The following TAF8 variants were observed in gnomAD, a reference collection of about 807,000 sequenced individuals.
TAF8 encodes TATA-box binding protein associated factor 8, also known as transcription initiation factor TFIID subunit 8.
Under a neutral mutation model 36.5 loss-of-function variants are expected in TAF8, and 47 were observed. The observed-to-expected ratio is 1.29, with a 90% CI of 1.02 to 1.64. The LOEUF is 1.64. Among genes scored for constraint, TAF8 ranks in the 40% most tolerant of loss-of-function variants. The pLI, the probability that TAF8 is intolerant of heterozygous loss-of-function variation, is 0.00. For missense variants in TAF8, 420 were observed against 407.6 expected (o/e 1.03, Z -0.26); for synonymous variants, 175 against 159.5 (o/e 1.10, Z -0.73).
At position 42,054,975 on chromosome 6, in the gene TAF8, G is replaced by C. The variant is rs1213803585; in HGVS notation, c.203-556G>C. 2.0e-5 allele frequency among the ~76,000 whole-genome samples: 3 copies of C among 149,688 alleles called. No individual in the cohort carries two copies. In the East Asian group the frequency reaches 5.9e-4, roughly 30 times the overall value. On this transcript the variant is annotated intron_variant, in intron 2 of 8. Transcript: ENST00000372977. Reference sequence around the variant, plus strand: ...AAGGAGTTCTCACTCTGTCGCCCAGGCTGGAGTGCAATGGCACAATCTCTG... The same window carrying C: ...AAGGAGTTCTCACTCTGTCGCCCAGCCTGGAGTGCAATGGCACAATCTCTG...
intron 5 of TAF8, among the ~76,000 whole-genome samples, chr6:42,065,702 C>T (rs2492943): frequency 0.41 from 63,036 of 151,958 alleles, 13,446 homozygotes; most frequent in African/African-American, 0.52. Context: ...CTTCACGATG[C>T]GTCTCTTAGA....
chr6:42,071,680 G>A (rs548979335), intron 7 of TAF8, among the ~76,000 whole-genome samples: 2 of 151,954 alleles, frequency 1.3e-5, no homozygotes, highest in South Asian at 4.2e-4. Flanking sequence ...ATTAGGGCTG[G>A]GAGACCATGG....
chr6:42,052,654 A>G (rs1764836765), intron 2 of TAF8, among the ~76,000 whole-genome samples: 1 of 152,128 alleles, frequency 6.6e-6, no homozygotes, highest in Admixed American at 6.5e-5. Flanking sequence ...ATGTGTTGAG[A>G]TTTAGAAGCC....
intron 8 of TAF8, 114 bp downstream of exon 8, chr6:42,077,353 G>C: frequency 6.7e-7 from 1 of 1,501,384 alleles, no homozygotes; most frequent in Admixed American, 2.2e-5. Flanking sequence ...CCACTCTGGT[G>C]AGAGGGAATA....
rs887742449 is a variant in TAF8 at position 42,079,650 on chromosome 6, C to G, written c.*2105C>G. On this transcript the variant is annotated 3_prime_UTR_variant, in exon 9 of 9. Transcript: ENST00000372977. Reference sequence around the variant, plus strand: ...CTACCTCGGCTCACTGCAACCTCCACTCCCCGGGTTCAAGCAATTCTCAGA... The same window carrying G: ...CTACCTCGGCTCACTGCAACCTCCAGTCCCCGGGTTCAAGCAATTCTCAGA... 1 of 839,736 alleles carries G rather than the reference C, an allele frequency of 1.2e-6. No individual in the cohort carries two copies. The highest frequency in any genetic ancestry group is 1.8e-5 in the African/African-American group (1 of 54,176). 52.0% of individuals were successfully genotyped at this position (839,736 alleles called of 1,614,324 possible).
At chr6:42,068,390 G>A (rs751197159) in intron 6 of TAF8, 75 bp from the exon 7 acceptor site, 19 of 1,549,306 alleles carry the variant, frequency 1.2e-5, no homozygotes, top group Admixed American at 5.1e-5. Flanking sequence ...CTGATTTGTT[G>A]TGAGGCTCTA....
At chr6:42,054,931 C>CTT (rs376052836) in intron 2 of TAF8, among the ~76,000 whole-genome samples, 14 of 123,790 alleles carry the variant, frequency 1.1e-4, no homozygotes, top group African/African-American at 1.2e-4. Flanking sequence ...TTTTTCTTTT[C>CTT]TTTTTTTTTT....
At chr6:42,085,209 G>A (rs1368043519), downstream of TAF8, among the ~76,000 whole-genome samples, 1 of 152,194 alleles carries the variant, frequency 6.6e-6, no homozygotes, top group Non-Finnish European at 1.5e-5. Flanking sequence ...CTCCTGATAT[G>A]TAAAGAACTT....
At chr6:42,057,728 T>A (rs1427938003) in intron 5 of TAF8, 1 of 556,732 alleles carries the variant, frequency 1.8e-6, no homozygotes, top group East Asian at 3.2e-5. Context: ...AAGACCAGCC[T>A]GGGCAGCAGA....
At chr6:42,072,808 C>T (rs535679094) in intron 7 of TAF8, among the ~76,000 whole-genome samples, 9 of 152,022 alleles carry the variant, frequency 5.9e-5, no homozygotes, top group African/African-American at 1.4e-4. Context: ...CTGCAAGCTC[C>T]GCCTCCCGGG....
chr6:42,068,725 G>A, intron 7 of TAF8, 118 bp downstream of exon 7: 1 of 1,259,692 alleles, frequency 7.9e-7, no homozygotes, highest in Non-Finnish European at 1.1e-6. Flanking sequence ...TTTCTGTTAG[G>A]GGCCTGCATA....
chr6:42,074,646 TGCCTCA>T (rs1441893547), intron 7 of TAF8, among the ~76,000 whole-genome samples: 1 of 152,136 alleles, frequency 6.6e-6, no homozygotes, highest in Admixed American at 6.6e-5. Context: ...GCGACTGTCT[TGCCTCA>T]GCCTCCCAAG....
Position 42,050,606 on chromosome 6 carries a change from GC to G in TAF8, c.45+21del, listed in dbSNP as rs1764731692. ...GGAACGGTAAGGGCAGGAAGCGCGG[GC>G]TCGGAGCCGAGAGAGTTTGGGTATC... is the stretch of plus-strand genomic sequence containing the variant. On this transcript the variant is annotated intron_variant, in intron 1 of 8. Coordinates refer to ENST00000372977, the MANE Select transcript of TAF8 (RefSeq NM_138572.3). The G allele has an allele frequency of 3.2e-6, 5 of 1,543,044 alleles. No individual in the cohort carries two copies. The highest frequency in any genetic ancestry group is 4.4e-6 in the Non-Finnish European group (5 of 1,145,058).
In TAF8 at chr6:42,078,980, G is replaced by T. The variant is rs1055036609; in HGVS notation, c.*1435G>T. 1.4e-5 allele frequency: 8 copies of T among 570,640 alleles called. No individual in the cohort carries two copies. The African/African-American group carries it at 1.6e-4, about 12-fold the overall frequency. 35.3% of individuals were successfully genotyped at this position (570,640 alleles called of 1,614,324 possible). On this transcript the variant is annotated 3_prime_UTR_variant, in exon 9 of 9. Transcript: ENST00000372977. ...CTACTAAAAATACAAAAATTAGCCG[G>T]GTGTGGTTACTCATGCCTGTAATCC...
chr6:42,062,977 CAT>C (rs1334290797), intron 5 of TAF8, among the ~76,000 whole-genome samples: 3 of 152,176 alleles, frequency 2.0e-5, no homozygotes, highest in African/African-American at 7.2e-5. Flanking sequence ...GGACACTAGT[CAT>C]ATTGCACTAG....
chr6:42,072,729 G>GT (rs200182439), intron 7 of TAF8, among the ~76,000 whole-genome samples: 2,004 of 143,404 alleles, frequency 0.014, 33 homozygotes, highest in African/African-American at 0.044. Flanking sequence ...TTTTTTGTTT[G>GT]TTTTTTTTTT....
chr6:42,050,753 G>A (rs1458552233), intron 1 of TAF8, 167 bp downstream of exon 1: 3 of 999,914 alleles, frequency 3.0e-6, no homozygotes, highest in Admixed American at 3.3e-5. Flanking sequence ...ACTTGGCTGC[G>A]GCCTCCGGAG....
chr6:42,077,326 C>G, intron 8 of TAF8, 87 bp downstream of exon 8: 1 of 1,526,588 alleles, frequency 6.6e-7, no homozygotes, highest in Non-Finnish European at 8.8e-7. Context: ...CTCAGTGGGG[C>G]GGAGCCTTGG....
intron 7 of TAF8, among the ~76,000 whole-genome samples, chr6:42,076,034 C>G (rs1765735157): frequency 6.6e-6 from 1 of 152,060 alleles, no homozygotes; most frequent in African/African-American, 2.4e-5. Flanking sequence ...ATGGTGAAAC[C>G]CCGTCTCTAC....
Sources: gnomAD v4.1 joint callset for allele counts (sites outside exome capture counted in the v4.1 genomes callset) on GRCh38, gnomAD v4.1.1 for gene constraint, MANE v1.5 for transcripts, NCBI Gene and HGNC (gene_info 2026-07-23, HGNC 2026-07-21) for gene names.